SGMS1: variants seen among roughly 807,000 people sequenced by gnomAD.
The protein encoded by SGMS1 is sphingomyelin synthase 1.
SGMS1 carries 13 observed loss-of-function variants against 46.2 expected under a neutral mutation model. The ratio of observed to expected loss-of-function variants is 0.28; its 90% CI spans 0.18 to 0.45. The LOEUF (loss-of-function observed/expected upper bound fraction) is 0.45. Ranked by LOEUF, SGMS1 falls within the 20% of genes least tolerant of loss-of-function variation. The probability of loss-of-function intolerance (pLI) is 1.00; values close to 1 mark genes in which losing one functional copy is unlikely to be tolerated. For synonymous variants in SGMS1, 203 were observed against 187.8 expected, an observed-to-expected ratio of 1.08 and a Z score of -0.66; for missense variants, 324 against 519.9, an observed-to-expected ratio of 0.62 and a Z score of 3.66.
chr10:50,308,413 C>G (rs1337207417), intron 9 of SGMS1, among the ~76,000 whole-genome samples: 1 of 152,074 alleles, frequency 6.6e-6, no homozygotes, highest in Non-Finnish European at 1.5e-5. Flanking sequence ...AAAGATGAGG[C>G]TAATCAAATA....
intron 3 of SGMS1, among the ~76,000 whole-genome samples, chr10:50,483,833 C>A (rs1296166115): frequency 6.6e-6 from 1 of 152,156 alleles, no homozygotes; most frequent in African/African-American, 2.4e-5. Context: ...CCAAGAAGTT[C>A]TTTGAAACTA....
intron 1 of SGMS1, among the ~76,000 whole-genome samples, chr10:50,605,078 T>A (rs1196513313): frequency 6.6e-6 from 1 of 152,222 alleles, no homozygotes; most frequent in Non-Finnish European, 1.5e-5. Flanking sequence ...AATTTCAATT[T>A]CCTACATCTC....
At chr10:50,619,524 G>T (rs556119721) in intron 1 of SGMS1, among the ~76,000 whole-genome samples, 2 of 152,136 alleles carry the variant, frequency 1.3e-5, no homozygotes, top group African/African-American at 2.4e-5. Flanking sequence ...AGGCTCCTCT[G>T]GGGGAGAGGG....
intron 2 of SGMS1, among the ~76,000 whole-genome samples, 169 bp downstream of exon 2, chr10:50,589,984 A>G (rs1482273539): frequency 6.6e-6 from 1 of 152,254 alleles, no homozygotes; most frequent in Non-Finnish European, 1.5e-5. Flanking sequence ...TACATGTTTC[A>G]GCTAAAAAAT....
intron 8 of SGMS1, among the ~76,000 whole-genome samples, chr10:50,314,418 T>G (rs1372664587): frequency 6.6e-6 from 1 of 152,180 alleles, no homozygotes; most frequent in Non-Finnish European, 1.5e-5. Flanking sequence ...CTTATACAGC[T>G]GAACCATTCT....
At chr10:50,441,160 C>T (rs1849542330) in intron 5 of SGMS1, among the ~76,000 whole-genome samples, 1 of 152,176 alleles carries the variant, frequency 6.6e-6, no homozygotes, top group African/African-American at 2.4e-5. Flanking sequence ...TTTCCATTAG[C>T]CTAATAGTTC....
intron 2 of SGMS1, among the ~76,000 whole-genome samples, chr10:50,539,434 A>G (rs1026143320): frequency 6.6e-6 from 1 of 152,268 alleles, no homozygotes; most frequent in Admixed American, 6.5e-5. Context: ...CTATATGCTC[A>G]GGTGAGACTG....
intron 2 of SGMS1, among the ~76,000 whole-genome samples, chr10:50,545,342 AT>A (rs1838091846): frequency 6.6e-6 from 1 of 152,182 alleles, no homozygotes; most frequent in Non-Finnish European, 1.5e-5. Context: ...GAGCCAAGGC[AT>A]TGGAAAGTAG....
chr10:50,591,683 C>T (rs963915433), intron 1 of SGMS1, among the ~76,000 whole-genome samples: 31 of 152,182 alleles, frequency 2.0e-4, no homozygotes, highest in Admixed American at 1.2e-3. Context: ...GATTTGTAAC[C>T]TCTCCATAAT....
intron 6 of SGMS1, among the ~76,000 whole-genome samples, chr10:50,355,966 C>T (rs1209656133): frequency 1.3e-5 from 2 of 151,992 alleles, no homozygotes; most frequent in African/African-American, 4.8e-5. Flanking sequence ...ACCGGCCGCC[C>T]CGTCTGAGAA....
chr10:50,561,424 G>A (rs1838235444), intron 2 of SGMS1, among the ~76,000 whole-genome samples: 1 of 152,136 alleles, frequency 6.6e-6, no homozygotes, highest in Admixed American at 6.5e-5. Flanking sequence ...AATTAACCAC[G>A]AGCACTGCTG....
chr10:50,343,123 G>A lies in SGMS1; in HGVS notation c.623+369C>T, dbSNP rs185660118. The A allele has an allele frequency of 1.2e-3, 202 of 166,640 alleles. 1 individual carries two copies. The highest frequency in any genetic ancestry group is 4.6e-3 in the African/African-American group (191 of 41,820). The allele number at this position is 166,640 out of a possible 1,614,324, so 10.3% of individuals were successfully genotyped here. On this transcript the variant is annotated intron_variant, in intron 7 of 10. Transcript: ENST00000361781. The stretch of plus-strand genomic sequence containing the variant: ...TATGCAGCCAATTTATAGTGCTTAG[G>A]CCAACTGTCGATTTATTTAATGGGT...
intron 2 of SGMS1, among the ~76,000 whole-genome samples, chr10:50,530,673 C>G (rs1036281694): frequency 4.0e-5 from 6 of 151,774 alleles, no homozygotes; most frequent in Non-Finnish European, 7.4e-5. Context: ...TCTGTGCTGA[C>G]AGGGTCTTGC....
intron 1 of SGMS1, among the ~76,000 whole-genome samples, chr10:50,603,981 C>T (rs1838671822): frequency 6.6e-6 from 1 of 152,152 alleles, no homozygotes; most frequent in South Asian, 2.1e-4. Context: ...TTACATTAAC[C>T]ATTCTGGAAA....
At chr10:50,379,995 A>G (rs1393367446) in intron 6 of SGMS1, among the ~76,000 whole-genome samples, 1 of 152,194 alleles carries the variant, frequency 6.6e-6, no homozygotes, top group African/African-American at 2.4e-5. Context: ...TCACCCAACC[A>G]GGACCTATAT....
chr10:50,514,946 C>T (rs1349445355), intron 3 of SGMS1, among the ~76,000 whole-genome samples: 1 of 152,192 alleles, frequency 6.6e-6, no homozygotes, highest in Non-Finnish European at 1.5e-5. Flanking sequence ...AAAAGTTATT[C>T]TGTAGGAATT....
intron 3 of SGMS1, among the ~76,000 whole-genome samples, chr10:50,468,261 T>C (rs1165553684): frequency 6.6e-6 from 1 of 152,142 alleles, no homozygotes; most frequent in African/African-American, 2.4e-5. Context: ...CTATTCCTCT[T>C]TACAGCTTGA....
intron 6 of SGMS1, among the ~76,000 whole-genome samples, chr10:50,379,163 C>A (rs892193243): frequency 5.3e-5 from 8 of 151,980 alleles, no homozygotes; most frequent in Non-Finnish European, 7.4e-5. Flanking sequence ...ACTTTAAGCC[C>A]CAGGAATTCC....
intron 5 of SGMS1, among the ~76,000 whole-genome samples, chr10:50,438,390 G>A (rs866462951): frequency 5.3e-5 from 8 of 152,186 alleles, no homozygotes; most frequent in African/African-American, 1.7e-4. Flanking sequence ...AGCCCCATGA[G>A]GACAACCTCC....
Sources: allele counts gnomAD v4.1 joint callset (sites outside exome capture counted in the v4.1 genomes callset), GRCh38; gene constraint gnomAD v4.1.1; transcripts MANE v1.5; gene names NCBI Gene and HGNC (gene_info 2026-07-23, HGNC 2026-07-21).